NR3C2: variants seen among roughly 807,000 people sequenced by gnomAD.
The protein encoded by NR3C2 is nuclear receptor subfamily 3 group C member 2.
Under a neutral mutation model 86.4 loss-of-function variants are expected in NR3C2, and 15 were observed. That is an observed-to-expected ratio of 0.17 (90% CI 0.12 to 0.27). The LOEUF (loss-of-function observed/expected upper bound fraction) is 0.27. Ranked by LOEUF, NR3C2 falls within the 10% of genes least tolerant of loss-of-function variation. The pLI is 1.00. For synonymous variants in NR3C2, 458 were observed against 450.5 expected (o/e 1.02, Z -0.21); for missense variants, 960 against 1,195.6 (o/e 0.80, Z 2.91).
intron 4 of NR3C2, among the ~76,000 whole-genome samples, chr4:148,192,016 C>A (rs1032831560): frequency 6.6e-6 from 1 of 152,104 alleles, no homozygotes; most frequent in Admixed American, 6.6e-5. Context: ...TGGTTTGGAT[C>A]CATTGCTGGT....
At position 148,166,366 on chromosome 4, in the gene NR3C2, G is replaced by A. The variant is rs551259812; in HGVS notation, c.2015-11465C>T. Reference sequence around the variant, plus strand: ...TGCCGAGGACCTGGTGGTGGGCAGGGCCACGCCAGAGTGGCCAGAATGGGG... The same window carrying A: ...TGCCGAGGACCTGGTGGTGGGCAGGACCACGCCAGAGTGGCCAGAATGGGG... On this transcript the variant is annotated intron_variant, in intron 4 of 8. Coordinates refer to ENST00000358102, the MANE Select transcript of NR3C2 (RefSeq NM_000901.5). 3.3e-5 allele frequency among the ~76,000 whole-genome samples: 5 copies of A among 152,340 alleles called. No individual in the cohort carries two copies. The South Asian group carries it at 1.0e-3, about 32-fold the overall frequency.
chr4:148,314,008 C>T (rs772261951), intron 2 of NR3C2, among the ~76,000 whole-genome samples: 1 of 152,066 alleles, frequency 6.6e-6, no homozygotes, highest in Non-Finnish European at 1.5e-5. Flanking sequence ...AACTTCGATT[C>T]GAAAGAGGAG....
chr4:148,162,738 A>G (rs934811503), intron 4 of NR3C2, among the ~76,000 whole-genome samples: 14 of 152,180 alleles, frequency 9.2e-5, no homozygotes, highest in African/African-American at 3.4e-4. Flanking sequence ...GAAGAGCTGC[A>G]GCAGTGGTGA....
At chr4:148,383,154 T>TGTCATCACA (rs1747085554) in intron 2 of NR3C2, among the ~76,000 whole-genome samples, 1 of 152,186 alleles carries the variant, frequency 6.6e-6, no homozygotes, top group Admixed American at 6.5e-5. Context: ...TAGCATGAAA[T>TGTCATCACA]GTCATCACAC....
intron 2 of NR3C2, among the ~76,000 whole-genome samples, chr4:148,345,568 A>G (rs1208928654): frequency 6.6e-6 from 1 of 151,990 alleles, no homozygotes; most frequent in African/African-American, 2.4e-5. Context: ...TACATAAGAC[A>G]TAATTTCTAT....
intron 4 of NR3C2, among the ~76,000 whole-genome samples, chr4:148,193,388 C>T (rs1027042111): frequency 3.9e-5 from 6 of 152,306 alleles, no homozygotes; most frequent in South Asian, 2.1e-4. Context: ...TGGGTCCTCT[C>T]GGGATTGCTG....
At chr4:148,390,806 G>T (rs1253377996) in intron 2 of NR3C2, among the ~76,000 whole-genome samples, 1 of 152,126 alleles carries the variant, frequency 6.6e-6, no homozygotes, top group Non-Finnish European at 1.5e-5. Flanking sequence ...TAAAATACAT[G>T]CTTACCTATA....
chr4:148,332,237 C>A (rs1341477743), intron 2 of NR3C2, among the ~76,000 whole-genome samples: 1 of 152,106 alleles, frequency 6.6e-6, no homozygotes, highest in South Asian at 2.1e-4. Context: ...TCTATGCAAG[C>A]ATATAATCAT....
chr4:148,432,062 T>C, intron 2 of NR3C2, among the ~76,000 whole-genome samples: 1 of 152,310 alleles, frequency 6.6e-6, no homozygotes, highest in South Asian at 2.1e-4. Flanking sequence ...TAAAATCATT[T>C]AAAAATAAGT....
chr4:148,420,155 C>A (rs1749211475), intron 2 of NR3C2, among the ~76,000 whole-genome samples: 1 of 152,142 alleles, frequency 6.6e-6, no homozygotes, highest in African/African-American at 2.4e-5. Flanking sequence ...AAAGGTTATT[C>A]CTTTTAACCT....
At chr4:148,088,564 G>C (rs1730921004) in intron 8 of NR3C2, among the ~76,000 whole-genome samples, 1 of 128,854 alleles carries the variant, frequency 7.8e-6, no homozygotes, top group Non-Finnish European at 1.5e-5. Flanking sequence ...GTCCTTTGCA[G>C]GGACATGGAT....
intron 3 of NR3C2, among the ~76,000 whole-genome samples, chr4:148,214,810 A>C (rs551691916): frequency 5.3e-5 from 8 of 152,248 alleles, no homozygotes; most frequent in Admixed American, 5.2e-4. Context: ...CTGGACGTCG[A>C]GAGTTTATAT....
At chr4:148,214,110 A>G (rs576340296) in intron 3 of NR3C2, among the ~76,000 whole-genome samples, 1 of 152,222 alleles carries the variant, frequency 6.6e-6, no homozygotes, top group Non-Finnish European at 1.5e-5. Context: ...GACTTGGTGC[A>G]AGTTACTTTA....
chr4:148,393,712 T>A (rs935424112), intron 2 of NR3C2, among the ~76,000 whole-genome samples: 5 of 152,222 alleles, frequency 3.3e-5, no homozygotes, highest in Non-Finnish European at 7.3e-5. Flanking sequence ...TGCTGAAATG[T>A]TGGGTTGTTT....
intron 2 of NR3C2, among the ~76,000 whole-genome samples, chr4:148,308,529 T>G (rs1387148896): frequency 6.6e-6 from 1 of 151,952 alleles, no homozygotes; most frequent in African/African-American, 2.4e-5. Flanking sequence ...AAAAAAAAAG[T>G]TGATCTCTCA....
At position 148,090,181 on chromosome 4, in the gene NR3C2, G is replaced by C. The variant is rs972440835; in HGVS notation, c.2800-8682C>G. ...TGTGCCAGGCACTGGGGAAGCTGCAGTGAACAGATCTCTCAAGGCGTCTGT... is the reference window on the plus strand; with the variant it reads ...TGTGCCAGGCACTGGGGAAGCTGCACTGAACAGATCTCTCAAGGCGTCTGT... On this transcript the variant is annotated intron_variant, in intron 8 of 8. Coordinates refer to ENST00000358102, the MANE Select transcript of NR3C2 (RefSeq NM_000901.5). Among the ~76,000 whole-genome samples, 12 of 152,344 alleles carry C rather than the reference G, an allele frequency of 7.9e-5. No homozygotes were observed. In the South Asian group the frequency reaches 1.9e-3, roughly 24 times the overall value.
chr4:148,300,322 A>C (rs1182018441), intron 2 of NR3C2, among the ~76,000 whole-genome samples: 1 of 152,070 alleles, frequency 6.6e-6, no homozygotes, highest in Non-Finnish European at 1.5e-5. Flanking sequence ...ACAGCCCTGA[A>C]TTTTCCTCTC....
rs756240968 is a variant in NR3C2, at chr4:148,436,333, G to A, written c.528C>T (p.Val176=). 2 of 1,614,066 alleles carry A rather than the reference G, an allele frequency of 1.2e-6. No homozygotes were observed. Among genetic ancestry groups the A allele is most frequent in the Non-Finnish European group, 1.7e-6 (2 of 1,180,046 alleles). ...TAGGGCTTTTAACAACGGCGCGCAT[G>A]ACGCCACCATTCACGGAGCTCCCAG... ...SDSGSSVNGG[V]MRAVVKSPIM... is the part of the protein sequence containing the mutation. Residue 176 remains valine, a synonymous_variant, in exon 2 of 9, where the codon GTC becomes GTT. Transcript: ENST00000358102.
chr4:148,196,902 G>A (rs527291635), intron 3 of NR3C2, among the ~76,000 whole-genome samples: 70 of 152,256 alleles, frequency 4.6e-4, no homozygotes, highest in South Asian at 1.5e-3. Flanking sequence ...TCATGATGTT[G>A]TACAGCAGCT....
Sources: gnomAD v4.1 joint callset for allele counts (sites outside exome capture counted in the v4.1 genomes callset) on GRCh38, gnomAD v4.1.1 for gene constraint, MANE v1.5 for transcripts, NCBI Gene and HGNC (gene_info 2026-07-23, HGNC 2026-07-21) for gene names.